The following KIRREL3 variants were observed in gnomAD, a reference collection of about 807,000 sequenced individuals.
KIRREL3 encodes the protein kin of IRRE-like protein 3.
A neutral mutation model predicts 89.7 loss-of-function variants in KIRREL3; 36 were observed. That is an observed-to-expected ratio of 0.40 (90% CI 0.31 to 0.53). The LOEUF (loss-of-function observed/expected upper bound fraction) is 0.53, where lower values mean the gene tolerates loss of function less well. Among genes scored for constraint, KIRREL3 ranks in the 20% least tolerant of loss-of-function variants. The pLI, the probability that KIRREL3 is intolerant of heterozygous loss-of-function variation, is 0.49. For synonymous variants in KIRREL3, 445 were observed against 441.4 expected, an observed-to-expected ratio of 1.01 and a Z score of -0.10; for missense variants, 864 against 1,056.6, an observed-to-expected ratio of 0.82 and a Z score of 2.53.
rs969512900 is a variant in KIRREL3, at chr11:126,557,211, GC to G, written c.133+5623del. ...AAAGCACAGCTCATCCCACAGGCCT[GC>G]CCGACTCTTTCCCTGCCACCCAGCA... On this transcript the variant is annotated intron_variant, in intron 2 of 16. Transcript: ENST00000525144. The surrounding 1 kb of genome is among the most constrained non-coding windows in gnomAD (Gnocchi z 5.6). Among the ~76,000 whole-genome samples, 1 of 152,130 alleles carries G rather than the reference GC, an allele frequency of 6.6e-6. No individual in the cohort carries two copies. Among genetic ancestry groups the G allele is most frequent in the African/African-American group, 2.4e-5 (1 of 41,418 alleles).
rs1045355944 is a variant in KIRREL3 at position 126,772,840 on chromosome 11, A to G, written c.56-209928T>C. ...AGCCTTTGCCCCTAATGCCAGCACCATACCTACTGCATCTGGATCTTCATA... is the reference window on the plus strand; with the variant it reads ...AGCCTTTGCCCCTAATGCCAGCACCGTACCTACTGCATCTGGATCTTCATA... On this transcript the variant is annotated intron_variant, in intron 1 of 16. Coordinates refer to ENST00000525144, the MANE Select transcript of KIRREL3 (RefSeq NM_032531.4). This position sits in a 1 kb window ranked among gnomAD's most constrained non-coding sequence, Gnocchi z 4.6. Among the ~76,000 whole-genome samples, 12 of 152,148 alleles carry G rather than the reference A, an allele frequency of 7.9e-5. No individual in the cohort carries two copies. Among genetic ancestry groups the G allele is most frequent in the African/African-American group, 2.9e-4 (12 of 41,436 alleles).
Position 126,498,095 on chromosome 11 carries a change from C to T in KIRREL3, c.433+23220G>A, listed in dbSNP as rs1957732456. Among the ~76,000 whole-genome samples the T allele has an allele frequency of 6.6e-6, 1 of 152,170 alleles. No individual in the cohort carries two copies. The highest frequency in any genetic ancestry group is 2.4e-5 in the African/African-American group (1 of 41,432). On this transcript the variant is annotated intron_variant, in intron 4 of 16. Coordinates refer to ENST00000525144, the MANE Select transcript of KIRREL3 (RefSeq NM_032531.4). This position sits in a 1 kb window ranked among gnomAD's most constrained non-coding sequence, Gnocchi z 4.3. The stretch of plus-strand genomic sequence containing the variant: ...AATGACTTGCCCCAAATCACACAGC[C>T]AGTAAGCCTGCTTAGTAGCTCTACT...
chr11:126,664,053 C>A lies in KIRREL3; in HGVS notation c.56-101141G>T, dbSNP rs1341127915. Reference sequence around the variant, plus strand: ...CCTGGCACAAGGGAAATTAACCAGACTCTGCATGTTGTGGGAATTCTGCAT... The same window carrying A: ...CCTGGCACAAGGGAAATTAACCAGAATCTGCATGTTGTGGGAATTCTGCAT... On this transcript the variant is annotated intron_variant, in intron 1 of 16. Transcript: ENST00000525144. The surrounding 1 kb of genome is among the most constrained non-coding windows in gnomAD (Gnocchi z 5.4). 6.6e-6 allele frequency among the ~76,000 whole-genome samples: 1 copy of A among 152,216 alleles called. No individual in the cohort carries two copies. Among genetic ancestry groups the A allele is most frequent in the East Asian group, 1.9e-4 (1 of 5,202 alleles).
chr11:126,907,131 A>G (rs1365283567), intron 1 of KIRREL3, among the ~76,000 whole-genome samples: 11 of 152,106 alleles, frequency 7.2e-5, no homozygotes, highest in African/African-American at 2.7e-4. Flanking sequence ...TGAATTAAAG[A>G]CTTGGTTAAG....
rs1053862570 is a variant in KIRREL3 at position 126,578,474 on chromosome 11, G to A, written c.56-15562C>T. ...TCCGTGCCTACCTGCTAATAAGAGC[G>A]GGAGTGTGGATTGTGCACATAGGTG... On this transcript the variant is annotated intron_variant, in intron 1 of 16. Coordinates refer to ENST00000525144, the MANE Select transcript of KIRREL3 (RefSeq NM_032531.4). The surrounding 1 kb of genome is among the most constrained non-coding windows in gnomAD (Gnocchi z 4.9). 6.6e-6 allele frequency among the ~76,000 whole-genome samples: 1 copy of A among 152,218 alleles called. No individual in the cohort carries two copies. Among genetic ancestry groups the A allele is most frequent in the Admixed American group, 6.5e-5 (1 of 15,284 alleles).
At position 126,431,726 on chromosome 11, in the gene KIRREL3, C is replaced by T. The variant is rs1205166441; in HGVS notation, c.1589-200G>A. Among the ~76,000 whole-genome samples the T allele has an allele frequency of 6.6e-6, 1 of 151,936 alleles. No individual in the cohort carries two copies. Among genetic ancestry groups the T allele is most frequent in the Non-Finnish European group, 1.5e-5 (1 of 67,982 alleles). On this transcript the variant is annotated intron_variant, in intron 13 of 16. Coordinates refer to ENST00000525144, the MANE Select transcript of KIRREL3 (RefSeq NM_032531.4). The surrounding 1 kb of genome is among the most constrained non-coding windows in gnomAD (Gnocchi z 7.1). ...GGACTGCAAAGACCAGGGTGGAGGA[C>T]ACAGGGGCTTGGTGGGTGGAGGAGA...
At chr11:126,916,893 G>A (rs1212236319) in intron 1 of KIRREL3, among the ~76,000 whole-genome samples, 5 of 152,212 alleles carry the variant, frequency 3.3e-5, no homozygotes, top group Non-Finnish European at 7.3e-5. Flanking sequence ...TTCTTCAGCT[G>A]TAAGGCATAA....
At chr11:126,849,942 C>CCT (rs1944287788) in intron 1 of KIRREL3, among the ~76,000 whole-genome samples, 1 of 77,930 alleles carries the variant, frequency 1.3e-5, no homozygotes, top group East Asian at 5.5e-4. Context: ...TGACAACTCC[C>CCT]AAAATGGTAT....
intron 1 of KIRREL3, among the ~76,000 whole-genome samples, chr11:126,737,917 A>G (rs1451249942): frequency 6.6e-6 from 1 of 152,198 alleles, no homozygotes; most frequent in African/African-American, 2.4e-5. Context: ...ACACTAAAAT[A>G]CTGTTAACTA....
intron 1 of KIRREL3, among the ~76,000 whole-genome samples, chr11:126,853,175 CTGTG>C (rs1331865842): frequency 1.3e-5 from 2 of 152,132 alleles, no homozygotes; most frequent in Admixed American, 1.3e-4. Flanking sequence ...GTTTAAATCG[CTGTG>C]TGTGTTTTTT....
At chr11:126,961,940 C>T (rs540669482) in intron 1 of KIRREL3, among the ~76,000 whole-genome samples, 1 of 152,350 alleles carries the variant, frequency 6.6e-6, no homozygotes, top group African/African-American at 2.4e-5. Context: ...AAGGACAGCA[C>T]ATCTGCTTAC....
In KIRREL3 at chr11:126,557,539, A is replaced by C. The variant is rs1939792628; in HGVS notation, c.133+5296T>G. 6.6e-6 allele frequency among the ~76,000 whole-genome samples: 1 copy of C among 152,198 alleles called. No homozygotes were observed. The highest frequency in any genetic ancestry group is 1.5e-5 in the Non-Finnish European group (1 of 68,030). ...AGTGTCTAGGGACTTGCCCAAGCTC[A>C]CACAGCCGGCTCCTCACTCTTAAGT... is the stretch of plus-strand genomic sequence containing the variant. On this transcript the variant is annotated intron_variant, in intron 2 of 16. Transcript: ENST00000525144. The surrounding 1 kb of genome is among the most constrained non-coding windows in gnomAD (Gnocchi z 5.6).
At chr11:126,934,713 T>C (rs1252050335) in intron 1 of KIRREL3, among the ~76,000 whole-genome samples, 1 of 152,088 alleles carries the variant, frequency 6.6e-6, no homozygotes, top group Non-Finnish European at 1.5e-5. Flanking sequence ...ATCCAAAATA[T>C]ACAAAGAACT....
chr11:126,450,296 T>C lies in KIRREL3; in HGVS notation c.849-1139A>G, dbSNP rs527411755. On this transcript the variant is annotated intron_variant, in intron 7 of 16. Transcript: ENST00000525144. ...ATGTGTGAGCATGTGCGTGTGTGCA[T>C]GTGTGAGTGTGCCCATGTGCACGTG... Among the ~76,000 whole-genome samples, 4 of 151,792 alleles carry C rather than the reference T, an allele frequency of 2.6e-5. No homozygotes were observed. The South Asian group carries it at 8.3e-4, about 32-fold the overall frequency.
rs1052327843 is a variant in KIRREL3 at position 126,490,959 on chromosome 11, G to A, written c.434-17493C>T. On this transcript the variant is annotated intron_variant, in intron 4 of 16. Coordinates refer to ENST00000525144, the MANE Select transcript of KIRREL3 (RefSeq NM_032531.4). The surrounding 1 kb of genome is among the most constrained non-coding windows in gnomAD (Gnocchi z 4.2). ...CTGAGGATCCACAGCCCACCTGCAC[G>A]AGGAGGGGGCGTTTGGAGGGTGGAG... Among the ~76,000 whole-genome samples, 9 of 152,218 alleles carry A rather than the reference G, an allele frequency of 5.9e-5. No individual in the cohort carries two copies. Among genetic ancestry groups the A allele is most frequent in the African/African-American group, 1.9e-4 (8 of 41,462 alleles).
At chr11:126,923,197 TC>T (rs1565423273) in intron 1 of KIRREL3, among the ~76,000 whole-genome samples, 760 of 8,790 alleles carry the variant, frequency 0.086, 196 homozygotes, top group South Asian at 0.19. Flanking sequence ...CTCTTCTTCT[TC>T]TTCTTCTTCT....
At position 126,516,965 on chromosome 11, in the gene KIRREL3, T is replaced by A. The variant is rs1958428599; in HGVS notation, c.433+4350A>T. ...GGTGGCACGTGCCTGTAATCCCAGC[T>A]ACTCAGGAGGCTGGAGCAGGAGGAC... On this transcript the variant is annotated intron_variant, in intron 4 of 16. Transcript: ENST00000525144. The surrounding 1 kb of genome is among the most constrained non-coding windows in gnomAD (Gnocchi z 4.9). Among the ~76,000 whole-genome samples the A allele has an allele frequency of 6.6e-6, 1 of 152,040 alleles. No homozygotes were observed.
At chr11:126,602,220 T>C (rs1942691411) in intron 1 of KIRREL3, among the ~76,000 whole-genome samples, 1 of 152,204 alleles carries the variant, frequency 6.6e-6, no homozygotes, top group African/African-American at 2.4e-5. Context: ...GCTCATTGTG[T>C]GCTCACTGTC....
In KIRREL3 at chr11:126,562,284, T is replaced by G. The variant is rs1326047481; in HGVS notation, c.133+551A>C. On this transcript the variant is annotated intron_variant, in intron 2 of 16. Coordinates refer to ENST00000525144, the MANE Select transcript of KIRREL3 (RefSeq NM_032531.4). The surrounding 1 kb of genome is among the most constrained non-coding windows in gnomAD (Gnocchi z 4.7). ...GCCTTCAGTGACCCAATGAAGCCAG[T>G]GCAAGAGGAAGACAGAATGGCCTCT... Among the ~76,000 whole-genome samples, 2 of 151,988 alleles carry G rather than the reference T, an allele frequency of 1.3e-5. No individual in the cohort carries two copies. Among genetic ancestry groups the G allele is most frequent in the Admixed American group, 1.3e-4 (2 of 15,260 alleles).
Sources: allele counts gnomAD v4.1 joint callset (sites outside exome capture counted in the v4.1 genomes callset), GRCh38; gene constraint gnomAD v4.1.1; non-coding constraint Gnocchi (gnomAD v3.1); transcripts MANE v1.5; gene names NCBI Gene and HGNC (gene_info 2026-07-23, HGNC 2026-07-21).